RGL1: variants seen among roughly 807,000 people sequenced by gnomAD.
The protein encoded by RGL1 is ral guanine nucleotide dissociation stimulator like 1, also known as ral guanine nucleotide dissociation stimulator-like 1.
A neutral mutation model predicts 95.2 loss-of-function variants in RGL1; 24 were observed. The observed-to-expected ratio is 0.25, with a 90% confidence interval of 0.18 to 0.35. The LOEUF (loss-of-function observed/expected upper bound fraction) is 0.35, where lower values mean the gene tolerates loss of function less well. Among genes scored for constraint, RGL1 ranks in the 10% least tolerant of loss-of-function variants. The pLI, the probability that RGL1 is intolerant of heterozygous loss-of-function variation, is 1.00. For synonymous variants in RGL1, 329 were observed against 344.9 expected (o/e 0.95, Z 0.51); for missense variants, 715 against 936.3 (o/e 0.76, Z 3.08).
At chr1:183,783,425 A>G (rs1660004196) in intron 2 of RGL1, among the ~76,000 whole-genome samples, 1 of 152,224 alleles carries the variant, frequency 6.6e-6, no homozygotes, top group African/African-American at 2.4e-5. Context: ...TTATTACCTA[A>G]GGACTCACAG....
intron 2 of RGL1, among the ~76,000 whole-genome samples, chr1:183,750,698 A>G (rs1657934711): frequency 6.6e-6 from 1 of 152,176 alleles, no homozygotes; most frequent in African/African-American, 2.4e-5. Context: ...TCTTGGATTT[A>G]TCTACCTTTG....
At chr1:183,669,741 G>A (rs940279377) in intron 1 of RGL1, among the ~76,000 whole-genome samples, 1 of 152,156 alleles carries the variant, frequency 6.6e-6, no homozygotes, top group Non-Finnish European at 1.5e-5. Flanking sequence ...ATAAAAAGAG[G>A]TTTAATGCAC....
chr1:183,744,730 G>A (rs1256192086), intron 2 of RGL1, among the ~76,000 whole-genome samples: 1 of 151,920 alleles, frequency 6.6e-6, no homozygotes, highest in African/African-American at 2.4e-5. Flanking sequence ...GACATATGTA[G>A]TTTCACTTTA....
chr1:183,699,499 G>A (rs192288405), intron 1 of RGL1, among the ~76,000 whole-genome samples: 70 of 152,258 alleles, frequency 4.6e-4, no homozygotes, highest in African/African-American at 1.4e-3. Context: ...TAATGTGAAA[G>A]ATTCCTTGAT....
intron 1 of RGL1, among the ~76,000 whole-genome samples, chr1:183,805,984 T>C (rs1394081827): frequency 8.4e-5 from 5 of 59,834 alleles, no homozygotes; most frequent in South Asian, 4.5e-4. Context: ...TTTTTTTTTT[T>C]TTTTTTTTTT....
chr1:183,678,659 T>C (rs761942351), intron 1 of RGL1, among the ~76,000 whole-genome samples: 8 of 151,866 alleles, frequency 5.3e-5, no homozygotes, highest in Non-Finnish European at 1.0e-4. Context: ...TGGAGTGCAG[T>C]GGTGTGATTA....
At chr1:183,661,168 A>G (rs1651592850) in intron 1 of RGL1, among the ~76,000 whole-genome samples, 1 of 152,206 alleles carries the variant, frequency 6.6e-6, no homozygotes, top group African/African-American at 2.4e-5. Flanking sequence ...AAGAGCAAAG[A>G]CATTCAAAAG....
chr1:183,921,453 C>CT (rs1464342698), intron 16 of RGL1, among the ~76,000 whole-genome samples: 1 of 152,046 alleles, frequency 6.6e-6, no homozygotes, highest in South Asian at 2.1e-4. Context: ...TTTGTTTTTC[C>CT]TTTTTTTGAA....
intron 1 of RGL1, among the ~76,000 whole-genome samples, chr1:183,662,869 G>A (rs1334369632): frequency 6.6e-6 from 1 of 152,122 alleles, no homozygotes; most frequent in African/African-American, 2.4e-5. Context: ...CAGAGACATA[G>A]ATCAATGGAA....
chr1:183,824,158 TG>T (rs956473032), intron 2 of RGL1, among the ~76,000 whole-genome samples: 16 of 152,306 alleles, frequency 1.1e-4, no homozygotes, highest in Middle Eastern at 3.4e-3. Flanking sequence ...TCTGGGATTT[TG>T]GGAACATTTG....
intron 1 of RGL1, among the ~76,000 whole-genome samples, chr1:183,718,915 A>C (rs952598861): frequency 2.4e-4 from 37 of 152,178 alleles, no homozygotes; most frequent in Non-Finnish European, 1.8e-4. Context: ...TCTGTCTAAA[A>C]AAAACAAAAC....
intron 1 of RGL1, among the ~76,000 whole-genome samples, chr1:183,684,063 C>T (rs189438780): frequency 2.1e-4 from 32 of 152,248 alleles, no homozygotes; most frequent in African/African-American, 7.2e-4. Flanking sequence ...GTTAGCAATT[C>T]CTCTAACCTT....
rs139524898 is a variant in RGL1, at chr1:183,647,731, A to G, written c.-33+11230A>G. ...TCATCTGCCTCCTTGCTACTTGCAAACTGTTCTGTGATTTCCACTATCTCC... is the reference window on the plus strand; with the variant it reads ...TCATCTGCCTCCTTGCTACTTGCAAGCTGTTCTGTGATTTCCACTATCTCC... On this transcript the variant is annotated intron_variant, in intron 1 of 18. Transcript: ENST00000304685. 1,862 of 1,610,296 alleles carry G rather than the reference A, an allele frequency of 1.2e-3. 4 individuals are homozygous for G. The highest frequency in any genetic ancestry group is 1.5e-3 in the Non-Finnish European group (1,756 of 1,177,176).
chr1:183,755,749 A>T (rs986603664), intron 2 of RGL1, among the ~76,000 whole-genome samples: 3 of 152,226 alleles, frequency 2.0e-5, no homozygotes, highest in Non-Finnish European at 4.4e-5. Flanking sequence ...AGTCATTGCC[A>T]TACAGTGTGC....
intron 17 of RGL1, among the ~76,000 whole-genome samples, chr1:183,923,164 A>C (rs1271960298): frequency 6.6e-6 from 1 of 152,196 alleles, no homozygotes; most frequent in Admixed American, 6.5e-5. Context: ...CAAACTGTCC[A>C]TTGCAGCCAC....
At chr1:183,797,584 G>A (rs1271747068) in intron 2 of RGL1, among the ~76,000 whole-genome samples, 4 of 152,170 alleles carry the variant, frequency 2.6e-5, no homozygotes, top group East Asian at 3.8e-4. Flanking sequence ...ATACCTTATA[G>A]TATTTCTGTG....
chr1:183,796,842 G>A (rs1660725673), intron 2 of RGL1, among the ~76,000 whole-genome samples: 1 of 152,128 alleles, frequency 6.6e-6, no homozygotes, highest in African/African-American at 2.4e-5. Flanking sequence ...ACACAACCTG[G>A]CATTATTTCT....
intron 17 of RGL1, among the ~76,000 whole-genome samples, chr1:183,925,467 A>T (rs1469741413): frequency 6.6e-5 from 10 of 152,236 alleles, no homozygotes; most frequent in Non-Finnish European, 1.3e-4. Context: ...CTGCACATGT[A>T]TCCCAGAACT....
At chr1:183,637,810 C>T (rs1245202966) in intron 1 of RGL1, among the ~76,000 whole-genome samples, 1 of 152,050 alleles carries the variant, frequency 6.6e-6, no homozygotes, top group African/African-American at 2.4e-5. Context: ...AAATTTTTAC[C>T]TGTTGGCAAT....
Sources: allele counts gnomAD v4.1 joint callset (sites outside exome capture counted in the v4.1 genomes callset), GRCh38; gene constraint gnomAD v4.1.1; transcripts MANE v1.5; gene names NCBI Gene and HGNC (gene_info 2026-07-23, HGNC 2026-07-21).